The following LMX1A variants were observed in gnomAD, a reference collection of about 807,000 sequenced individuals.
LMX1A encodes the protein LIM homeobox transcription factor 1-alpha.
In LMX1A, 15 loss-of-function variants were observed where a neutral mutation model predicts 49.1. That is an observed-to-expected ratio of 0.31 (90% CI 0.20 to 0.47). The LOEUF is 0.47. Ranked by LOEUF, LMX1A falls within the 20% of genes least tolerant of loss-of-function variation. LMX1A has a pLI of 1.00. For synonymous variants in LMX1A, 167 were observed against 185.7 expected, an observed-to-expected ratio of 0.90 and a Z score of 0.82; for missense variants, 372 against 475.8, an observed-to-expected ratio of 0.78 and a Z score of 2.03.
chr1:165,271,184 A>C (rs1013197602), intron 3 of LMX1A, among the ~76,000 whole-genome samples: 2 of 151,474 alleles, frequency 1.3e-5, no homozygotes, highest in Non-Finnish European at 3.0e-5. Context: ...TCTGCTAAGA[A>C]AGAATTTTTT....
intron 4 of LMX1A, among the ~76,000 whole-genome samples, chr1:165,222,819 T>C (rs556809357): frequency 8.5e-5 from 13 of 152,156 alleles, no homozygotes; most frequent in Non-Finnish European, 1.0e-4. Context: ...GGTCTATGCC[T>C]TCAGACTCCA....
intron 3 of LMX1A, among the ~76,000 whole-genome samples, chr1:165,292,249 A>G (rs1250175361): frequency 6.6e-6 from 1 of 152,072 alleles, no homozygotes; most frequent in Non-Finnish European, 1.5e-5. Context: ...TTCTTTTTTT[A>G]ACAAGTGGAT....
intron 3 of LMX1A, among the ~76,000 whole-genome samples, chr1:165,270,869 C>A (rs1455425798): frequency 1.3e-5 from 2 of 152,194 alleles, no homozygotes; most frequent in Non-Finnish European, 2.9e-5. Flanking sequence ...CCTTTCATTT[C>A]TCAGGAATGA....
chr1:165,302,159 TGG>T lies in LMX1A; in HGVS notation c.263+50915_263+50916del, dbSNP rs1654799662. 3.6e-5 allele frequency among the ~76,000 whole-genome samples: 5 copies of T among 137,096 alleles called. No homozygotes were observed. The South Asian group carries it at 1.2e-3, about 34-fold the overall frequency. 89.9% of individuals were successfully genotyped at this position (137,096 alleles called of 152,430 possible). A position where few individuals can be genotyped will look rare whatever the true frequency, so the allele number is the denominator to read the frequency against. On this transcript the variant is annotated intron_variant, in intron 3 of 8. Coordinates refer to ENST00000342310, the MANE Select transcript of LMX1A (RefSeq NM_177398.4). ...TACTAGTGAAAGAAGAGAATGAGGC[TGG>T]GTGTGGTGGCTCACACCTGTAATCT...
intron 5 of LMX1A, among the ~76,000 whole-genome samples, chr1:165,212,489 G>T (rs539915193): frequency 2.8e-5 from 4 of 141,648 alleles, no homozygotes; most frequent in Admixed American, 7.3e-5. Context: ...ATACATGTTT[G>T]TTGGGAACCA....
chr1:165,278,667 TAGTTTG>T (rs1308157213), intron 3 of LMX1A, among the ~76,000 whole-genome samples: 1 of 152,186 alleles, frequency 6.6e-6, no homozygotes, highest in Non-Finnish European at 1.5e-5. Flanking sequence ...GCCTACCTCC[TAGTTTG>T]AGTGGCAGTT....
At chr1:165,303,593 G>A (rs1168452467) in intron 3 of LMX1A, among the ~76,000 whole-genome samples, 2 of 152,204 alleles carry the variant, frequency 1.3e-5, no homozygotes, top group African/African-American at 4.8e-5. Context: ...GCAGCCCAAT[G>A]ACTTGTTCCT....
chr1:165,278,002 A>G (rs748543262), intron 3 of LMX1A, among the ~76,000 whole-genome samples: 3 of 152,256 alleles, frequency 2.0e-5, no homozygotes, highest in Non-Finnish European at 4.4e-5. Context: ...TGCTATTCTA[A>G]GAGCTTAACA....
At chr1:165,280,603 A>G (rs1394379559) in intron 3 of LMX1A, among the ~76,000 whole-genome samples, 1 of 152,240 alleles carries the variant, frequency 6.6e-6, no homozygotes, top group Non-Finnish European at 1.5e-5. Flanking sequence ...TTTTTAAACA[A>G]TAGTTATCAT....
intron 4 of LMX1A, among the ~76,000 whole-genome samples, chr1:165,233,844 G>A (rs1031300294): frequency 5.3e-5 from 8 of 152,158 alleles, no homozygotes; most frequent in African/African-American, 1.9e-4. Flanking sequence ...TGACATATTA[G>A]TAGGGATTCA....
At chr1:165,325,234 T>C (rs1196792009) in intron 3 of LMX1A, among the ~76,000 whole-genome samples, 1 of 152,210 alleles carries the variant, frequency 6.6e-6, no homozygotes, top group African/African-American at 2.4e-5. Flanking sequence ...CCCAGACTTG[T>C]ATAATCAGTT....
chr1:165,249,158 G>T lies in LMX1A; in HGVS notation c.496+250C>A, dbSNP rs540379704. On this transcript the variant is annotated intron_variant, in intron 4 of 8. Coordinates refer to ENST00000342310, the MANE Select transcript of LMX1A (RefSeq NM_177398.4). ...AGTTAACCCGGACATTTCTGTGTGT[G>T]TGTGAAGTGTTTATGGTTGTATGCC... Among the ~76,000 whole-genome samples, 57 of 152,340 alleles carry T rather than the reference G, an allele frequency of 3.7e-4. 1 individual carries two copies. The South Asian group carries it at 0.011, about 28-fold the overall frequency.
Position 165,355,726 on chromosome 1 carries a change from T to C in LMX1A, c.-22-145A>G, listed in dbSNP as rs1000788069. 6 of 637,356 alleles carry C rather than the reference T, an allele frequency of 9.4e-6. No individual in the cohort carries two copies. The highest frequency in any genetic ancestry group is 7.3e-5 in the African/African-American group (4 of 54,828). 39.5% of individuals were successfully genotyped at this position (637,356 alleles called of 1,614,324 possible). Reference sequence around the variant, plus strand: ...AGGATAGGGTCCAGCCAAGAGAATGTAGGGTGGGAGGAGAGATCAGTCACA... The same window carrying C: ...AGGATAGGGTCCAGCCAAGAGAATGCAGGGTGGGAGGAGAGATCAGTCACA... On this transcript the variant is annotated intron_variant, in intron 1 of 8. Coordinates refer to ENST00000342310, the MANE Select transcript of LMX1A (RefSeq NM_177398.4). This position sits in a 1 kb window ranked among gnomAD's most constrained non-coding sequence, Gnocchi z 4.7.
chr1:165,237,083 A>G (rs1033467551), intron 4 of LMX1A, among the ~76,000 whole-genome samples: 2 of 152,168 alleles, frequency 1.3e-5, no homozygotes, highest in Non-Finnish European at 2.9e-5. Flanking sequence ...ATACACTTCT[A>G]TGTGTTCCAC....
At chr1:165,316,028 A>AT (rs574707925) in intron 3 of LMX1A, among the ~76,000 whole-genome samples, 6 of 152,208 alleles carry the variant, frequency 3.9e-5, no homozygotes, top group African/African-American at 7.2e-5. Context: ...CTCTTATAAT[A>AT]GAGTGCCAAA....
chr1:165,205,798 G>T, intron 8 of LMX1A, 66 bp downstream of exon 8: 2 of 1,497,874 alleles, frequency 1.3e-6, no homozygotes, highest in Non-Finnish European at 1.8e-6. Context: ...GCCTAGATGT[G>T]TTTAGGAGGG....
intron 4 of LMX1A, among the ~76,000 whole-genome samples, chr1:165,239,844 G>C (rs543242771): frequency 6.6e-6 from 1 of 152,154 alleles, no homozygotes; most frequent in Non-Finnish European, 1.5e-5. Context: ...CCAAGCCTTT[G>C]GGCCCAGAGA....
At chr1:165,209,118 T>C (rs1651247821) in intron 6 of LMX1A, among the ~76,000 whole-genome samples, 1 of 152,318 alleles carries the variant, frequency 6.6e-6, no homozygotes, top group East Asian at 1.9e-4. Context: ...TTTAAATGTG[T>C]CCCTGTGCTT....
At chr1:165,295,866 G>T (rs1202845395) in intron 3 of LMX1A, among the ~76,000 whole-genome samples, 1 of 152,218 alleles carries the variant, frequency 6.6e-6, no homozygotes, top group African/African-American at 2.4e-5. Context: ...GCTGTTAGAA[G>T]CAAATCGAAC....
Sources: allele counts gnomAD v4.1 joint callset (sites outside exome capture counted in the v4.1 genomes callset), GRCh38; gene constraint gnomAD v4.1.1; non-coding constraint Gnocchi (gnomAD v3.1); transcripts MANE v1.5; gene names NCBI Gene and HGNC (gene_info 2026-07-23, HGNC 2026-07-21).